HHAT: variants seen among roughly 807,000 people sequenced by gnomAD.
HHAT encodes the protein protein-cysteine N-palmitoyltransferase HHAT.
In HHAT, 47 loss-of-function variants were observed where a neutral mutation model predicts 70.8. The observed-to-expected ratio is 0.66, with a 90% confidence interval of 0.53 to 0.85. HHAT has a LOEUF of 0.85. HHAT is among the 40% of genes least tolerant of loss of function. The pLI, the probability that HHAT is intolerant of heterozygous loss-of-function variation, is 0.00. For synonymous variants in HHAT, 228 were observed against 247.6 expected (o/e 0.92, Z 0.74); for missense variants, 609 against 604.8 (o/e 1.01, Z -0.07).
At chr1:210,376,434 T>G (rs959809049) in intron 3 of HHAT, among the ~76,000 whole-genome samples, 14 of 152,218 alleles carry the variant, frequency 9.2e-5, no homozygotes, top group Non-Finnish European at 1.9e-4. Flanking sequence ...ATGTGTGTAC[T>G]ATATCTTGTC....
chr1:210,370,608 C>CTTTT (rs1196009836), intron 3 of HHAT, among the ~76,000 whole-genome samples: 3 of 102,730 alleles, frequency 2.9e-5, no homozygotes, highest in African/African-American at 8.5e-5. Flanking sequence ...ATTGCAGATG[C>CTTTT]TATTTTTTTT....
At chr1:210,670,615 A>T (rs1184975259) in intron 11 of HHAT, among the ~76,000 whole-genome samples, 1 of 152,132 alleles carries the variant, frequency 6.6e-6, no homozygotes, top group Non-Finnish European at 1.5e-5. Flanking sequence ...ACCATTCATG[A>T]TGATTCTGTC....
chr1:210,635,560 G>A (rs922084418), intron 11 of HHAT, among the ~76,000 whole-genome samples: 11 of 152,160 alleles, frequency 7.2e-5, no homozygotes, highest in African/African-American at 2.2e-4. Context: ...TGGCTGTCGC[G>A]CATCAAAGGA....
chr1:210,560,069 G>A (rs899014667), intron 9 of HHAT, among the ~76,000 whole-genome samples: 3 of 152,118 alleles, frequency 2.0e-5, no homozygotes, highest in South Asian at 2.1e-4. Context: ...ACTTGGCAAA[G>A]TTTTCCTGTG....
intron 10 of HHAT, among the ~76,000 whole-genome samples, chr1:210,613,633 G>A (rs1346341197): frequency 6.6e-6 from 1 of 152,038 alleles, no homozygotes; most frequent in Non-Finnish European, 1.5e-5. Context: ...TTTAGGGTGG[G>A]GTTTTCTATT....
intron 7 of HHAT, among the ~76,000 whole-genome samples, chr1:210,428,211 A>G (rs1033632832): frequency 6.7e-5 from 10 of 148,314 alleles, no homozygotes; most frequent in Non-Finnish European, 1.0e-4. Flanking sequence ...AACTCTCAAT[A>G]CTTGTCCTTC....
intron 11 of HHAT, 146 bp downstream of exon 11, chr1:210,623,816 A>C: frequency 1.1e-6 from 1 of 885,832 alleles, no homozygotes; most frequent in Non-Finnish European, 1.7e-6. Flanking sequence ...AGCCAGGAAT[A>C]ATTTCCTAAG....
At chr1:210,415,609 G>A (rs928389361) in intron 6 of HHAT, among the ~76,000 whole-genome samples, 7 of 152,104 alleles carry the variant, frequency 4.6e-5, no homozygotes, top group African/African-American at 1.7e-4. Flanking sequence ...ATATCTTCCT[G>A]AAGTGACCTG....
chr1:210,391,817 T>G (rs1205913842), intron 4 of HHAT, among the ~76,000 whole-genome samples: 4 of 152,118 alleles, frequency 2.6e-5, no homozygotes, highest in Admixed American at 6.5e-5. Flanking sequence ...AGTAACACAT[T>G]ATATAGTAAA....
chr1:210,580,890 A>C (rs1238266224), intron 9 of HHAT, among the ~76,000 whole-genome samples: 1 of 152,180 alleles, frequency 6.6e-6, no homozygotes, highest in East Asian at 1.9e-4. Flanking sequence ...AGATCCTCGA[A>C]GAATTGCCAT....
intron 11 of HHAT, among the ~76,000 whole-genome samples, chr1:210,640,010 CATA>C (rs1235796428): frequency 1.3e-5 from 2 of 152,152 alleles, no homozygotes. Flanking sequence ...GATACTCTAC[CATA>C]ATTGATCTGT....
intron 1 of HHAT, among the ~76,000 whole-genome samples, chr1:210,343,934 T>C (rs2086265629): frequency 6.6e-6 from 1 of 152,188 alleles, no homozygotes; most frequent in South Asian, 2.1e-4. Context: ...GCTTATTCAC[T>C]GCCAGGCCCT....
intron 9 of HHAT, among the ~76,000 whole-genome samples, chr1:210,553,261 T>A (rs1051805395): frequency 6.6e-6 from 1 of 152,064 alleles, no homozygotes; most frequent in African/African-American, 2.4e-5. Context: ...CAAGCTGAAT[T>A]TTCAGGGTGT....
At chr1:210,473,599 A>C (rs888404054) in intron 8 of HHAT, among the ~76,000 whole-genome samples, 16 of 152,170 alleles carry the variant, frequency 1.1e-4, no homozygotes, top group African/African-American at 2.9e-4. Context: ...TGTGTTACAA[A>C]GAGCAATCCA....
intron 9 of HHAT, among the ~76,000 whole-genome samples, chr1:210,558,725 C>T (rs2148702960): frequency 6.6e-6 from 1 of 151,704 alleles, no homozygotes; most frequent in East Asian, 1.9e-4. Flanking sequence ...TTCTTTGAAC[C>T]TCCAAAATAG....
At chr1:210,393,692 A>C (rs541606988) in intron 4 of HHAT, among the ~76,000 whole-genome samples, 1 of 152,262 alleles carries the variant, frequency 6.6e-6, no homozygotes, top group East Asian at 1.9e-4. Flanking sequence ...CATCTTATCC[A>C]ATATCAGTAG....
At chr1:210,552,776 A>G (rs1211398326) in intron 9 of HHAT, among the ~76,000 whole-genome samples, 1 of 152,196 alleles carries the variant, frequency 6.6e-6, no homozygotes, top group African/African-American at 2.4e-5. Context: ...AGGAGAGCAA[A>G]TGGGGCTACC....
At chr1:210,410,630 G>C (rs1035844980) in intron 6 of HHAT, among the ~76,000 whole-genome samples, 1 of 145,808 alleles carries the variant, frequency 6.9e-6, no homozygotes, top group South Asian at 2.2e-4. Flanking sequence ...AGGTTCAAGC[G>C]ATTCTCCTGC....
intron 2 of HHAT, among the ~76,000 whole-genome samples, chr1:210,353,024 C>T (rs567783061): frequency 3.3e-5 from 5 of 151,946 alleles, no homozygotes; most frequent in Non-Finnish European, 5.9e-5. Flanking sequence ...CAACCTCTGC[C>T]TCCCAGGTTC....
Sources: gnomAD v4.1 joint callset for allele counts (sites outside exome capture counted in the v4.1 genomes callset) on GRCh38, gnomAD v4.1.1 for gene constraint, MANE v1.5 for transcripts, NCBI Gene and HGNC (gene_info 2026-07-23, HGNC 2026-07-21) for gene names.